Variants in FAM171A1 observed in about 807,000 individuals in gnomAD.
FAM171A1 encodes protein FAM171A1.
FAM171A1 carries 23 observed loss-of-function variants against 74.9 expected under a neutral mutation model. That is an observed-to-expected ratio of 0.31 (90% CI 0.22 to 0.44). FAM171A1 has a LOEUF of 0.44. Among genes scored for constraint, FAM171A1 ranks in the 20% least tolerant of loss-of-function variants. The pLI is 1.00. For synonymous variants in FAM171A1, 527 were observed against 505.7 expected (o/e 1.04, Z -0.57); for missense variants, 1,162 against 1,159.2 (o/e 1.00, Z -0.03).
chr10:15,298,248 T>C (rs1588539973), intron 1 of FAM171A1, among the ~76,000 whole-genome samples: 1 of 152,108 alleles, frequency 6.6e-6, no homozygotes, highest in African/African-American at 2.4e-5. Context: ...GATTCTCCTG[T>C]CTCAGCCTCC....
intron 3 of FAM171A1, among the ~76,000 whole-genome samples, chr10:15,273,898 G>A (rs995206490): frequency 3.2e-4 from 48 of 152,238 alleles, no homozygotes; most frequent in African/African-American, 1.2e-3. Context: ...AATAATAAGA[G>A]CTATTTATGA....
intron 1 of FAM171A1, among the ~76,000 whole-genome samples, chr10:15,307,415 C>G (rs897094642): frequency 4.0e-5 from 6 of 151,880 alleles, no homozygotes; most frequent in African/African-American, 1.5e-4. Flanking sequence ...AAGGTTGAGG[C>G]GGGTGGATCA....
At chr10:15,373,189 T>C (rs1340253017), upstream of FAM171A1, among the ~76,000 whole-genome samples, 4 of 152,188 alleles carry the variant, frequency 2.6e-5, no homozygotes, top group African/African-American at 9.7e-5. Flanking sequence ...ATGCTGCAAT[T>C]TGCGCAAATC....
At chr10:15,253,075 C>A (rs1017182092) in intron 4 of FAM171A1, among the ~76,000 whole-genome samples, 23 of 152,260 alleles carry the variant, frequency 1.5e-4, no homozygotes, top group African/African-American at 5.5e-4. Context: ...ACGATCTTGG[C>A]TCACTGCAAC....
At chr10:15,291,023 G>C (rs1159535973) in intron 1 of FAM171A1, among the ~76,000 whole-genome samples, 1 of 152,070 alleles carries the variant, frequency 6.6e-6, no homozygotes, top group Non-Finnish European at 1.5e-5. Context: ...GCTAATTTTT[G>C]TATTTTTGTA....
Position 15,214,201 on chromosome 10 carries a change from C to G in FAM171A1, c.1387G>C (p.Val463Leu). 1 of 1,614,138 alleles carries G rather than the reference C, an allele frequency of 6.2e-7. No homozygotes were observed. The highest frequency in any genetic ancestry group is 1.6e-4 in the Middle Eastern group (1 of 6,062). ...LGKDYHKSVE[V>L]FPLKARKSME... is the part of the protein sequence containing the mutation. ...GATTTTCTTGCCTTTAAGGGAAAAA[C>G]CTCCACTGACTTATGGTAGTCTTTC... The change falls in exon 8 of 8, where the codon GTT becomes CTT. Residue 463 changes from valine to leucine, a missense_variant. Transcript: ENST00000378116.
At chr10:15,229,811 CA>C (rs1293892070) in intron 5 of FAM171A1, among the ~76,000 whole-genome samples, 83 of 4,388 alleles carry the variant, frequency 0.019, 15 homozygotes, top group African/African-American at 0.058. Flanking sequence ...TCACCATCAC[CA>C]CCACCATCAC....
At chr10:15,299,179 A>G (rs570224036) in intron 1 of FAM171A1, among the ~76,000 whole-genome samples, 80 of 152,302 alleles carry the variant, frequency 5.3e-4, no homozygotes, top group Non-Finnish European at 1.0e-3. Context: ...TCAGCCTTCC[A>G]AAGTGCTGGG....
rs9919388 is a variant in FAM171A1, at chr10:15,368,571, T to C, written c.97+2385A>G. Among the ~76,000 whole-genome samples, 564 of 152,268 alleles carry C rather than the reference T, an allele frequency of 3.7e-3. 1 individual carries two copies. Among genetic ancestry groups the C allele is most frequent in the African/African-American group, 0.013 (540 of 41,572 alleles). ...TTTGGGGAAGGTAAACATTGAACTT[T>C]TCTTCTTAAAATGCAAGCCAATGAT... is the stretch of plus-strand genomic sequence containing the variant. On this transcript the variant is annotated intron_variant, in intron 1 of 7. Coordinates refer to ENST00000378116, the MANE Select transcript of FAM171A1 (RefSeq NM_001010924.2).
At chr10:15,229,403 T>A (rs1019722412) in intron 5 of FAM171A1, among the ~76,000 whole-genome samples, 5 of 151,774 alleles carry the variant, frequency 3.3e-5, no homozygotes, top group Non-Finnish European at 5.9e-5. Flanking sequence ...TGGCAAACAC[T>A]CATCATCATC....
At chr10:15,223,998 G>C (rs1659257869) in intron 5 of FAM171A1, among the ~76,000 whole-genome samples, 1 of 152,216 alleles carries the variant, frequency 6.6e-6, no homozygotes, top group Non-Finnish European at 1.5e-5. Flanking sequence ...CCAGACTAAT[G>C]AGTCCCCAAG....
At chr10:15,260,589 G>A (rs1004763855) in intron 3 of FAM171A1, among the ~76,000 whole-genome samples, 6 of 152,140 alleles carry the variant, frequency 3.9e-5, no homozygotes, top group Non-Finnish European at 7.4e-5. Context: ...TAAACCAGGC[G>A]TTCTGTGAAA....
At chr10:15,359,789 C>T (rs1438627781) in intron 1 of FAM171A1, among the ~76,000 whole-genome samples, 2 of 152,090 alleles carry the variant, frequency 1.3e-5, no homozygotes, top group African/African-American at 4.8e-5. Flanking sequence ...GCTGACTTGG[C>T]AATGGAAGGG....
At chr10:15,326,041 C>T (rs139057120) in intron 1 of FAM171A1, among the ~76,000 whole-genome samples, 7 of 152,178 alleles carry the variant, frequency 4.6e-5, no homozygotes, top group Non-Finnish European at 8.8e-5. Flanking sequence ...AAATCCATCA[C>T]GAACTGTTCA....
chr10:15,291,223 A>G (rs1353530962), intron 1 of FAM171A1, among the ~76,000 whole-genome samples: 1 of 152,138 alleles, frequency 6.6e-6, no homozygotes, highest in Non-Finnish European at 1.5e-5. Flanking sequence ...AAAAAATTCA[A>G]TTTATAACTG....
chr10:15,366,079 T>C (rs993842084), intron 1 of FAM171A1, among the ~76,000 whole-genome samples: 3 of 152,230 alleles, frequency 2.0e-5, no homozygotes, highest in Non-Finnish European at 4.4e-5. Context: ...TAAGAAACAG[T>C]TATTTCATAC....
intron 1 of FAM171A1, among the ~76,000 whole-genome samples, chr10:15,313,107 A>G (rs1480737291): frequency 6.6e-6 from 1 of 152,160 alleles, no homozygotes; most frequent in Non-Finnish European, 1.5e-5. Context: ...GGAACAAAGC[A>G]CTGGCCCAGA....
chr10:15,282,608 G>C (rs1834983821), intron 2 of FAM171A1, among the ~76,000 whole-genome samples: 1 of 152,190 alleles, frequency 6.6e-6, no homozygotes, highest in Non-Finnish European at 1.5e-5. Context: ...GCTTTGTGTA[G>C]CTGTTCTCCT....
chr10:15,334,710 G>T (rs941449594), intron 1 of FAM171A1, among the ~76,000 whole-genome samples: 1 of 152,118 alleles, frequency 6.6e-6, no homozygotes, highest in East Asian at 1.9e-4. Flanking sequence ...TACACCGATG[G>T]GAACTGTGAA....
Sources: gnomAD v4.1 joint callset for allele counts (sites outside exome capture counted in the v4.1 genomes callset) on GRCh38, gnomAD v4.1.1 for gene constraint, MANE v1.5 for transcripts, NCBI Gene and HGNC (gene_info 2026-07-23, HGNC 2026-07-21) for gene names.